The following RAB38 variants were observed in gnomAD, a reference collection of about 807,000 sequenced individuals.
RAB38 encodes RAB38, member RAS oncogene family.
A neutral mutation model predicts 18.4 loss-of-function variants in RAB38; 15 were observed. The ratio of observed to expected loss-of-function variants is 0.82; its 90% CI spans 0.55 to 1.26. RAB38 has a LOEUF of 1.26. Ranked by LOEUF, RAB38 falls within the 50% of genes most tolerant of loss-of-function variation. The pLI is 0.00. For missense variants in RAB38, 294 were observed against 267.4 expected (o/e 1.10, Z -0.69); for synonymous variants, 101 against 104.4 (o/e 0.97, Z 0.20).
At chr11:87,976,718 CTA>C in the RAB38 span, among the ~76,000 whole-genome samples, 1 of 102,126 alleles carries the variant, frequency 9.8e-6, no homozygotes, top group South Asian at 3.1e-4. Context: ...ATTTATATTT[CTA>C]TATATTTTAT....
the RAB38 span, among the ~76,000 whole-genome samples, chr11:87,951,404 A>C: frequency 3.3e-5 from 5 of 152,016 alleles, no homozygotes; most frequent in African/African-American, 4.8e-5. Flanking sequence ...CGTCAAAGTC[A>C]TTCTCCATCC....
the RAB38 span, among the ~76,000 whole-genome samples, chr11:87,893,321 T>C: frequency 2.2e-5 from 3 of 137,724 alleles, no homozygotes; most frequent in Middle Eastern, 3.8e-3. Context: ...TACACACACA[T>C]ACATATATAT....
the RAB38 span, among the ~76,000 whole-genome samples, chr11:87,935,429 C>T: frequency 6.6e-6 from 1 of 152,100 alleles, no homozygotes; most frequent in Admixed American, 6.6e-5. Flanking sequence ...CCATGCCCTT[C>T]AGAAGACTTC....
the RAB38 span, among the ~76,000 whole-genome samples, chr11:88,086,224 A>G: frequency 6.6e-6 from 1 of 151,970 alleles, no homozygotes; most frequent in African/African-American, 2.4e-5. Context: ...ATAAAGTATT[A>G]TACATATTGT....
chr11:87,973,666 C>G, the RAB38 span, among the ~76,000 whole-genome samples: 2 of 151,926 alleles, frequency 1.3e-5, no homozygotes, highest in African/African-American at 2.4e-5. Context: ...CCTCTTTACC[C>G]AACGAGACCT....
chr11:88,118,880 C>T (rs1466748526), intron 2 of RAB38, among the ~76,000 whole-genome samples: 3 of 152,082 alleles, frequency 2.0e-5, no homozygotes, highest in Admixed American at 6.5e-5. Context: ...ATAATACTCA[C>T]ATTGAATATT....
the RAB38 span, among the ~76,000 whole-genome samples, chr11:87,828,230 CAAATA>C: frequency 6.6e-6 from 1 of 152,068 alleles, no homozygotes; most frequent in African/African-American, 2.4e-5. Context: ...ACCAAATCCT[CAAATA>C]ATTTTTAAAA....
At chr11:87,952,648 C>G in the RAB38 span, among the ~76,000 whole-genome samples, 2 of 152,134 alleles carry the variant, frequency 1.3e-5, no homozygotes, top group Non-Finnish European at 2.9e-5. Flanking sequence ...GTATAGGGTT[C>G]AGTACTATGC....
chr11:87,944,455 C>T, the RAB38 span, among the ~76,000 whole-genome samples: 1 of 152,076 alleles, frequency 6.6e-6, no homozygotes, highest in Admixed American at 6.6e-5. Flanking sequence ...CTGTGAAACA[C>T]CCTGTTCCCC....
intron 2 of RAB38, among the ~76,000 whole-genome samples, chr11:88,123,587 C>T (rs1942656055): frequency 6.6e-6 from 1 of 152,212 alleles, no homozygotes; most frequent in African/African-American, 2.4e-5. Context: ...AGCTGAACTA[C>T]TGTAGGCTTT....
At chr11:87,888,629 G>A in the RAB38 span, among the ~76,000 whole-genome samples, 2 of 151,810 alleles carry the variant, frequency 1.3e-5, no homozygotes, top group African/African-American at 4.8e-5. Flanking sequence ...TCTGGTAAAC[G>A]TTCAAGAACA....
the RAB38 span, among the ~76,000 whole-genome samples, chr11:88,006,294 G>A: frequency 1.3e-5 from 2 of 151,556 alleles, no homozygotes; most frequent in South Asian, 4.1e-4. Flanking sequence ...CAACAATGTG[G>A]TGAAAAGGGA....
At chr11:88,097,002 C>T in the RAB38 span, among the ~76,000 whole-genome samples, 1 of 151,676 alleles carries the variant, frequency 6.6e-6, no homozygotes, top group East Asian at 1.9e-4. Flanking sequence ...TACCTGTGAA[C>T]ATTTTTAAAT....
the RAB38 span, among the ~76,000 whole-genome samples, chr11:87,807,440 T>TG: frequency 6.6e-6 from 1 of 152,236 alleles, no homozygotes; most frequent in Non-Finnish European, 1.5e-5. Flanking sequence ...TCTTTATGGC[T>TG]GGAAAAAGCA....
intron 1 of RAB38, among the ~76,000 whole-genome samples, chr11:88,154,017 C>A (rs1943095556): frequency 6.6e-6 from 1 of 152,152 alleles, no homozygotes; most frequent in Admixed American, 6.5e-5. Context: ...TGGCATTCAG[C>A]TAATAAAAGT....
At chr11:88,101,060 C>G in the RAB38 span, among the ~76,000 whole-genome samples, 1 of 151,894 alleles carries the variant, frequency 6.6e-6, no homozygotes, top group African/African-American at 2.4e-5. Flanking sequence ...TTGGTGTCTG[C>G]AAATGTTTTC....
chr11:88,119,819 T>TCC (rs1037760221), intron 2 of RAB38, among the ~76,000 whole-genome samples: 9 of 151,948 alleles, frequency 5.9e-5, no homozygotes, highest in African/African-American at 2.2e-4. Context: ...GGCACTAAAT[T>TCC]CCCCAGCCCT....
chr11:87,883,274 T>C, the RAB38 span, among the ~76,000 whole-genome samples: 1 of 151,900 alleles, frequency 6.6e-6, no homozygotes, highest in Non-Finnish European at 1.5e-5. Flanking sequence ...ACCAAGGAAT[T>C]GGCTCACAGA....
At chr11:87,823,657 A>G in the RAB38 span, among the ~76,000 whole-genome samples, 1 of 152,170 alleles carries the variant, frequency 6.6e-6, no homozygotes, top group Non-Finnish European at 1.5e-5. Context: ...TTCAATTTGG[A>G]AAGTAAAGTT....
Sources: allele counts gnomAD v4.1 joint callset (sites outside exome capture counted in the v4.1 genomes callset), GRCh38; gene constraint gnomAD v4.1.1; transcripts MANE v1.5; gene names NCBI Gene and HGNC (gene_info 2026-07-23, HGNC 2026-07-21).